CHCHD6: variants seen among roughly 807,000 people sequenced by gnomAD.
CHCHD6 encodes the protein MICOS complex subunit MIC25.
Under a neutral mutation model 32.3 loss-of-function variants are expected in CHCHD6, and 28 were observed. That is an observed-to-expected ratio of 0.87 (90% CI 0.64 to 1.19). The LOEUF is 1.19. CHCHD6 is among the 50% of genes most tolerant of loss of function. The probability of loss-of-function intolerance (pLI) is 0.00; values close to 1 mark genes in which losing one functional copy is unlikely to be tolerated. For synonymous variants in CHCHD6, 122 were observed against 117.5 expected (o/e 1.04, Z -0.25); for missense variants, 333 against 307.0 (o/e 1.08, Z -0.63).
chr3:126,950,758 A>T (rs2078704621), intron 6 of CHCHD6, among the ~76,000 whole-genome samples: 1 of 151,684 alleles, frequency 6.6e-6, no homozygotes, highest in Non-Finnish European at 1.5e-5. Flanking sequence ...CCTGCACAGG[A>T]TTTTCATGGA....
At chr3:126,716,532 C>CATGG (rs2107652309) in intron 1 of CHCHD6, among the ~76,000 whole-genome samples, 1 of 152,090 alleles carries the variant, frequency 6.6e-6, no homozygotes, top group South Asian at 2.1e-4. Flanking sequence ...GTAGAAGGGT[C>CATGG]ATGGATGTCA....
chr3:126,959,129 A>G (rs2078826494), intron 7 of CHCHD6, among the ~76,000 whole-genome samples: 1 of 152,278 alleles, frequency 6.6e-6, no homozygotes, highest in East Asian at 1.9e-4. Flanking sequence ...CCTCACCAAT[A>G]TATCTTCCTC....
chr3:126,835,913 A>G (rs1401144852), intron 4 of CHCHD6, among the ~76,000 whole-genome samples: 2 of 152,170 alleles, frequency 1.3e-5, no homozygotes, highest in African/African-American at 4.8e-5. Flanking sequence ...TTCTTCTGTA[A>G]AGGTTTCTCC....
intron 4 of CHCHD6, among the ~76,000 whole-genome samples, chr3:126,737,417 T>TATGCACACAA (rs1936097787): frequency 6.8e-6 from 1 of 146,430 alleles, no homozygotes; most frequent in South Asian, 2.1e-4. Context: ...TATATATATA[T>TATGCACACAA]ATGCACACAA....
intron 4 of CHCHD6, among the ~76,000 whole-genome samples, chr3:126,776,687 G>A (rs1341650514): frequency 6.6e-6 from 1 of 152,128 alleles, no homozygotes; most frequent in African/African-American, 2.4e-5. Flanking sequence ...TATCAACTCT[G>A]AGTAGTTGTT....
At chr3:126,824,560 C>CAAAAAAAAAAAAAAAAAAAAAAA in intron 4 of CHCHD6, among the ~76,000 whole-genome samples, 1 of 39,996 alleles carries the variant, frequency 2.5e-5, no homozygotes, top group Non-Finnish European at 3.9e-5. Flanking sequence ...GACTCTGTCT[C>CAAAAAAAAAAAAAAAAAAAAAAA]AAAAAAAAAA....
intron 5 of CHCHD6, among the ~76,000 whole-genome samples, chr3:126,870,546 C>T (rs928615035): frequency 5.9e-5 from 9 of 152,070 alleles, no homozygotes; most frequent in African/African-American, 1.9e-4. Context: ...GGCTGGATGG[C>T]GCTGTGCTGT....
intron 5 of CHCHD6, among the ~76,000 whole-genome samples, chr3:126,871,691 C>T (rs1252436725): frequency 2.4e-4 from 30 of 126,402 alleles, no homozygotes; most frequent in African/African-American, 7.6e-4. Flanking sequence ...TTTGAGTCGG[C>T]GTCTCACTCT....
At chr3:126,920,152 A>G (rs976797583) in intron 6 of CHCHD6, among the ~76,000 whole-genome samples, 5 of 146,734 alleles carry the variant, frequency 3.4e-5, no homozygotes, top group East Asian at 3.9e-4. Context: ...CCTTAAATCT[A>G]TTGCATTCAG....
At chr3:126,726,089 G>A (rs1015719007) in intron 1 of CHCHD6, among the ~76,000 whole-genome samples, 29 of 152,132 alleles carry the variant, frequency 1.9e-4, no homozygotes, top group Non-Finnish European at 3.4e-4. Flanking sequence ...CCTAGCTCTC[G>A]GCCTATCTTA....
chr3:126,923,987 T>C (rs1324324157), intron 6 of CHCHD6, among the ~76,000 whole-genome samples: 2 of 152,344 alleles, frequency 1.3e-5, no homozygotes, highest in Admixed American at 6.5e-5. Flanking sequence ...GATGCTCACC[T>C]GTGTGCATCA....
chr3:126,766,892 C>T, intron 4 of CHCHD6: 2 of 1,013,542 alleles, frequency 2.0e-6, no homozygotes, highest in Non-Finnish European at 3.2e-6. Context: ...ACCATCTCAT[C>T]CTGCTCTGCG....
At chr3:126,830,062 C>T (rs1296554597) in intron 4 of CHCHD6, among the ~76,000 whole-genome samples, 1 of 152,194 alleles carries the variant, frequency 6.6e-6, no homozygotes, top group African/African-American at 2.4e-5. Flanking sequence ...CGCACCACTG[C>T]ACTCCAGCTT....
chr3:126,865,720 A>G (rs1418274414), intron 5 of CHCHD6: 2 of 984,880 alleles, frequency 2.0e-6, no homozygotes, highest in East Asian at 2.3e-4. Flanking sequence ...CCCTGAGTCT[A>G]CTCTGCATAC....
At chr3:126,851,852 T>C (rs1287410574) in intron 4 of CHCHD6, among the ~76,000 whole-genome samples, 2 of 152,216 alleles carry the variant, frequency 1.3e-5, no homozygotes, top group African/African-American at 4.8e-5. Flanking sequence ...TTACACATCA[T>C]GCCTGAGGAA....
intron 4 of CHCHD6, among the ~76,000 whole-genome samples, chr3:126,737,390 G>GTATATATACA (rs1936092011): frequency 7.5e-6 from 1 of 132,618 alleles, no homozygotes; most frequent in South Asian, 2.5e-4. Flanking sequence ...TGATGTGTGA[G>GTATATATACA]TATATATATA....
chr3:126,714,076 CAAAAAAAAAAA>C (rs1157910763), intron 1 of CHCHD6, among the ~76,000 whole-genome samples: 2 of 28,880 alleles, frequency 6.9e-5, no homozygotes, highest in Non-Finnish European at 1.4e-4. Flanking sequence ...GACTGCATCT[CAAAAAAAAAAA>C]AAAAAAAAAA....
chr3:126,825,993 A>G (rs772535801), intron 4 of CHCHD6, among the ~76,000 whole-genome samples: 2 of 152,200 alleles, frequency 1.3e-5, no homozygotes, highest in African/African-American at 2.4e-5. Context: ...GTAGTGTTCT[A>G]TCATCCCACA....
chr3:126,779,026 G>C (rs1937790057), intron 4 of CHCHD6, among the ~76,000 whole-genome samples: 1 of 150,670 alleles, frequency 6.6e-6, no homozygotes, highest in Non-Finnish European at 1.5e-5. Context: ...AAGGATTACA[G>C]ACATGAGCCA....
Sources: gnomAD v4.1 joint callset for allele counts (sites outside exome capture counted in the v4.1 genomes callset) on GRCh38, gnomAD v4.1.1 for gene constraint, MANE v1.5 for transcripts, NCBI Gene and HGNC (gene_info 2026-07-23, HGNC 2026-07-21) for gene names.